Variants in VPS35L observed in about 807,000 individuals in gnomAD.
The protein encoded by VPS35L is VPS35 endosomal protein-sorting factor-like.
VPS35L carries 83 observed loss-of-function variants against 133.0 expected under a neutral mutation model. The ratio of observed to expected loss-of-function variants is 0.62; its 90% CI spans 0.52 to 0.75. The LOEUF (loss-of-function observed/expected upper bound fraction) is 0.75. Among genes scored for constraint, VPS35L ranks in the 30% least tolerant of loss-of-function variants. The pLI is 0.00. For synonymous variants in VPS35L, 423 were observed against 449.9 expected, an observed-to-expected ratio of 0.94 and a Z score of 0.76; for missense variants, 1,083 against 1,206.8, an observed-to-expected ratio of 0.90 and a Z score of 1.52.
chr16:19,579,010 A>G (rs1407850176), intron 5 of VPS35L, 42 bp from the exon 6 acceptor site: 1 of 1,576,488 alleles, frequency 6.3e-7, no homozygotes, highest in Non-Finnish European at 8.7e-7. Context: ...GTATTGGTGC[A>G]CGAGAAAAGC....
intron 3 of VPS35L, among the ~76,000 whole-genome samples, chr16:19,572,508 A>T (rs1160586961): frequency 6.6e-6 from 1 of 152,190 alleles, no homozygotes; most frequent in African/African-American, 2.4e-5. Flanking sequence ...CATTTCCACC[A>T]GTGATGTTGA....
intron 28 of VPS35L, among the ~76,000 whole-genome samples, chr16:19,683,147 G>A (rs149788894): frequency 8.6e-5 from 13 of 151,948 alleles, no homozygotes; most frequent in Non-Finnish European, 7.4e-5. Flanking sequence ...GGTCTCAAAC[G>A]CCTGGGCTCA....
At chr16:19,637,336 C>G (rs1213837451) in intron 19 of VPS35L, among the ~76,000 whole-genome samples, 1 of 152,146 alleles carries the variant, frequency 6.6e-6, no homozygotes, top group Admixed American at 6.5e-5. Flanking sequence ...GACTGAGACT[C>G]AGTTACTTCC....
intron 30 of VPS35L, among the ~76,000 whole-genome samples, chr16:19,700,057 G>A (rs1022815424): frequency 2.0e-5 from 3 of 152,166 alleles, no homozygotes; most frequent in African/African-American, 4.8e-5. Context: ...TGATCACACC[G>A]CTGCACTCCA....
chr16:19,614,454 C>T (rs1456389847), intron 12 of VPS35L, among the ~76,000 whole-genome samples: 2 of 152,206 alleles, frequency 1.3e-5, no homozygotes, highest in Non-Finnish European at 2.9e-5. Context: ...CTTTGTTGCC[C>T]AGGCTGGAGT....
At chr16:19,607,432 G>T (rs920423163) in intron 9 of VPS35L, among the ~76,000 whole-genome samples, 8 of 152,168 alleles carry the variant, frequency 5.3e-5, no homozygotes, top group Admixed American at 2.6e-4. Context: ...TATATATCCT[G>T]GGACCAGAAC....
At chr16:19,563,116 A>G (rs971610409) in intron 1 of VPS35L, among the ~76,000 whole-genome samples, 6 of 151,960 alleles carry the variant, frequency 3.9e-5, no homozygotes, top group African/African-American at 7.3e-5. Context: ...AGGAGCAACA[A>G]TAAGACTACT....
intron 16 of VPS35L, 22 bp from the exon 17 acceptor site, chr16:19,628,615 G>C (rs778439060): frequency 5.4e-6 from 7 of 1,304,098 alleles, no homozygotes; most frequent in Non-Finnish European, 6.5e-6. Flanking sequence ...TCCATAACAT[G>C]ATGGTTTGAC....
chr16:19,682,114 G>C, intron 27 of VPS35L, 111 bp from the exon 28 acceptor site: 1 of 1,249,884 alleles, frequency 8.0e-7, no homozygotes, highest in South Asian at 1.4e-5. Flanking sequence ...AACTGACAAC[G>C]TTAATTTCTC....
intron 14 of VPS35L, among the ~76,000 whole-genome samples, chr16:19,623,408 G>A (rs1973146877): frequency 6.6e-6 from 1 of 152,138 alleles, no homozygotes; most frequent in South Asian, 2.1e-4. Context: ...CTATAAGGAG[G>A]TTAGTCCTGT....
chr16:19,556,193 C>T (rs1970849068), intron 1 of VPS35L, among the ~76,000 whole-genome samples: 1 of 152,174 alleles, frequency 6.6e-6, no homozygotes, highest in African/African-American at 2.4e-5. Context: ...AAAATGGCCG[C>T]CATTCATCCT....
rs140763117 is a variant in VPS35L, at chr16:19,608,193, A to T, written c.800A>T (p.Glu267Val). 6.2e-7 allele frequency: 1 copy of T among 1,613,146 alleles called. No individual in the cohort carries two copies. Among genetic ancestry groups the T allele is most frequent in the East Asian group, 2.2e-5 (1 of 44,874 alleles). ...RSVLPDHFSP[E>V]NANDTAKETC... is the part of the protein sequence containing the mutation. ...TGTATTACAGATCACTTTTCTCCAGAGAATGCAAATGACACGGCCAAGGAA... is the reference window on the plus strand; with the variant it reads ...TGTATTACAGATCACTTTTCTCCAGTGAATGCAAATGACACGGCCAAGGAA... Residue 267 changes from glutamate to valine, a missense_variant, in exon 10 of 31, where the codon GAG (glutamate) becomes GTG (valine). Coordinates refer to ENST00000417362, the MANE Select transcript of VPS35L (RefSeq NM_020314.7).
chr16:19,598,178 A>G (rs1001468145), intron 8 of VPS35L, among the ~76,000 whole-genome samples: 1 of 152,122 alleles, frequency 6.6e-6, no homozygotes, highest in Non-Finnish European at 1.5e-5. Context: ...CCCTGCCTCT[A>G]AGGGTTTCTG....
intron 1 of VPS35L, among the ~76,000 whole-genome samples, chr16:19,557,277 G>A (rs1457478425): frequency 6.6e-6 from 1 of 152,204 alleles, no homozygotes; most frequent in East Asian, 1.9e-4. Context: ...CTGCATCCCA[G>A]TACATTTCTA....
chr16:19,654,652 G>T (rs577006640), intron 26 of VPS35L, among the ~76,000 whole-genome samples: 1 of 152,114 alleles, frequency 6.6e-6, no homozygotes, highest in East Asian at 1.9e-4. Flanking sequence ...ATTAGAAGAC[G>T]CTTCCTTGGA....
Position 19,699,751 on chromosome 16 carries a change from C to T in VPS35L, c.2793+103C>T. 1 of 1,457,380 alleles carries T rather than the reference C, an allele frequency of 6.9e-7. No individual in the cohort carries two copies. The highest frequency in any genetic ancestry group is 9.4e-7 in the Non-Finnish European group (1 of 1,066,772). The allele number at this position is 1,457,380 out of a possible 1,614,324, so 90.3% of individuals were successfully genotyped here. ...GACATCAGACAGACAACCCCATACT[C>T]CCCTTTTAGAAAAGCACTTGGTCCA... On this transcript the variant is annotated intron_variant, in intron 30 of 30. Coordinates refer to ENST00000417362, the MANE Select transcript of VPS35L (RefSeq NM_020314.7). The surrounding 1 kb of genome is among the most constrained non-coding windows in gnomAD (Gnocchi z 4.2).
rs920195630 is a variant in VPS35L at position 19,669,319 on chromosome 16, C to A, written c.2361+20C>A. 1.9e-6 allele frequency: 3 copies of A among 1,592,076 alleles called. No homozygotes were observed. The highest frequency in any genetic ancestry group is 2.7e-5 in the African/African-American group (2 of 74,458). On this transcript the variant is annotated intron_variant, in intron 27 of 30. Transcript: ENST00000417362. ...GTTCCGGTACGTTTCCTCAGCAGAA[C>A]CGCAGGACATGTCTTCCTTTCACCT... is the stretch of plus-strand genomic sequence containing the variant.
chr16:19,674,005 G>C (rs145643823), intron 27 of VPS35L, among the ~76,000 whole-genome samples: 1 of 151,882 alleles, frequency 6.6e-6, no homozygotes, highest in African/African-American at 2.4e-5. Flanking sequence ...TGTGGGACGC[G>C]GCATTAGTAA....
At chr16:19,592,074 T>A (rs999753137) in intron 8 of VPS35L, among the ~76,000 whole-genome samples, 200 bp downstream of exon 8, 16 of 151,936 alleles carry the variant, frequency 1.1e-4, no homozygotes, top group Non-Finnish European at 1.8e-4. Flanking sequence ...AAATTTTATT[T>A]TTTCTTCTTT....
Sources: allele counts gnomAD v4.1 joint callset (sites outside exome capture counted in the v4.1 genomes callset), GRCh38; gene constraint gnomAD v4.1.1; non-coding constraint Gnocchi (gnomAD v3.1); transcripts MANE v1.5; gene names NCBI Gene and HGNC (gene_info 2026-07-23, HGNC 2026-07-21).